Variants in KIDINS220 observed in about 807,000 individuals in gnomAD.
KIDINS220 encodes the protein kinase D interacting substrate 220.
A neutral mutation model predicts 157.6 loss-of-function variants in KIDINS220; 63 were observed. The observed-to-expected ratio is 0.40, with a 90% confidence interval of 0.33 to 0.49. The LOEUF (loss-of-function observed/expected upper bound fraction) is 0.49, where lower values mean the gene tolerates loss of function less well. Among genes scored for constraint, KIDINS220 ranks in the 20% least tolerant of loss-of-function variants. The pLI, the probability that KIDINS220 is intolerant of heterozygous loss-of-function variation, is 0.66. For synonymous variants in KIDINS220, 732 were observed against 783.6 expected, an observed-to-expected ratio of 0.93 and a Z score of 1.10; for missense variants, 1,772 against 2,171.2, an observed-to-expected ratio of 0.82 and a Z score of 3.65.
chr2:8,721,291 T>C (rs550872357), downstream of KIDINS220: 2 of 152,276 alleles, frequency 1.3e-5, no homozygotes, highest in African/African-American at 4.8e-5. Context: ...GTATCAAAGC[T>C]AGATGACAAT....
chr2:8,837,351 C>G (rs1200473089), intron 1 of KIDINS220, 129 bp downstream of exon 1: 3 of 152,190 alleles, frequency 2.0e-5, no homozygotes, highest in African/African-American at 7.2e-5. Flanking sequence ...TCCGAGCTCG[C>G]CCCTTCCGCG....
Position 8,770,782 on chromosome 2 carries a change from T to A in KIDINS220, c.2899A>T (p.Ser967Cys). 1 of 1,612,722 alleles carries A rather than the reference T, an allele frequency of 6.2e-7. No individual in the cohort carries two copies. Among genetic ancestry groups the A allele is most frequent in the South Asian group, 1.1e-5 (1 of 90,852 alleles). ...CACTGCTCAGTAAGGTTGATCCAGC[T>A]AGCAAGCCTGTCCCAGTTGAAACTA... Reference protein sequence around the residue: ...QISFNWDRLASWINLTEQWPY... With the variant: ...QISFNWDRLACWINLTEQWPY... The change falls in exon 22 of 30, where the codon AGC (serine) becomes TGC (cysteine). Residue 967 changes from serine (S) to cysteine (C), a missense_variant. Coordinates refer to ENST00000256707, the MANE Select transcript of KIDINS220 (RefSeq NM_020738.4).
chr2:8,748,076 C>A (rs1666831770), intron 24 of KIDINS220, 76 bp from the exon 25 acceptor site: 3 of 791,204 alleles, frequency 3.8e-6, no homozygotes, highest in African/African-American at 1.8e-5. Context: ...TCAAATGAAA[C>A]CAATAAGATA....
chr2:8,732,822 C>T (rs530575335), intron 29 of KIDINS220, among the ~76,000 whole-genome samples: 9 of 152,290 alleles, frequency 5.9e-5, no homozygotes, highest in South Asian at 2.1e-4. Flanking sequence ...CCTCCTCCCC[C>T]GTTGTTCTCC....
intron 1 of KIDINS220, among the ~76,000 whole-genome samples, chr2:8,836,259 C>T (rs1270691985): frequency 6.6e-6 from 1 of 151,808 alleles, no homozygotes; most frequent in African/African-American, 2.4e-5. Context: ...AGTTATGCCT[C>T]CTCCCTTCCA....
At chr2:8,808,091 T>A (rs1675755084) in intron 6 of KIDINS220, among the ~76,000 whole-genome samples, 1 of 150,980 alleles carries the variant, frequency 6.6e-6, no homozygotes, top group African/African-American at 2.4e-5. Context: ...GCCACCACAC[T>A]CCAGCCTGGG....
At chr2:8,736,106 T>C (rs1664822342) in intron 27 of KIDINS220, among the ~76,000 whole-genome samples, 1 of 152,238 alleles carries the variant, frequency 6.6e-6, no homozygotes, top group Admixed American at 6.5e-5. Flanking sequence ...AAATGGTGTC[T>C]ACATATGCTC....
At chr2:8,836,181 C>T (rs1179186686) in intron 1 of KIDINS220, among the ~76,000 whole-genome samples, 1 of 151,718 alleles carries the variant, frequency 6.6e-6, no homozygotes, top group Non-Finnish European at 1.5e-5. Context: ...GCATAGGTGA[C>T]TGAAGAATGG....
At chr2:8,744,297 T>C (rs1445243065) in intron 26 of KIDINS220, among the ~76,000 whole-genome samples, 1 of 137,328 alleles carries the variant, frequency 7.3e-6, no homozygotes, top group Non-Finnish European at 1.6e-5. Context: ...TGTTCCTTAA[T>C]GTGAGAAAAC....
Position 8,730,862 on chromosome 2 carries a change from T to A in KIDINS220, c.5174A>T (p.Gln1725Leu), listed in dbSNP as rs201465267. 5 of 1,614,262 alleles carry A rather than the reference T, an allele frequency of 3.1e-6. No homozygotes were observed. The highest frequency in any genetic ancestry group is 4.2e-6 in the Non-Finnish European group (5 of 1,180,052). The change falls in exon 30 of 30, where the codon CAG becomes CTG. Residue 1725 changes from glutamine (Q) to leucine (L), a missense_variant. Physicochemically the swap from Gln to Leu is moderately radical, Grantham distance 113 (BLOSUM62 -2). Around this residue, in one of 3 missense-constraint regions of KIDINS220, gnomAD observed 793 missense variants for 885.5 expected, o/e 0.90. Transcript: ENST00000256707. ...TGTCATGCTTTTTAGATTCTCATTC[T>A]GAATAGTGGTTGGGTTGGGACTGGA... is the stretch of plus-strand genomic sequence containing the variant. ...PSSSPNPTTI[Q>L]NENLKSMTHK...
At chr2:8,739,425 A>C (rs72786317) in intron 26 of KIDINS220, among the ~76,000 whole-genome samples, 9,487 of 152,250 alleles carry the variant, frequency 0.062, 365 homozygotes, top group Middle Eastern at 0.16. Flanking sequence ...TGCTTCTTTG[A>C]ATAAAGAAGA....
intron 21 of KIDINS220, among the ~76,000 whole-genome samples, chr2:8,775,119 G>A (rs1451701204): frequency 6.6e-6 from 1 of 152,152 alleles, no homozygotes; most frequent in African/African-American, 2.4e-5. Context: ...TTAAGGAACT[G>A]GAAAAGAGTT....
At chr2:8,797,006 T>C in intron 10 of KIDINS220, 137 bp from the exon 11 acceptor site, 1 of 689,616 alleles carries the variant, frequency 1.5e-6, no homozygotes, top group East Asian at 2.6e-5. Flanking sequence ...ACATAAAAGC[T>C]AACAACAAAA....
chr2:8,747,850 T>G (rs1666798437), intron 25 of KIDINS220, 37 bp downstream of exon 25: 1 of 1,308,036 alleles, frequency 7.6e-7, no homozygotes, highest in East Asian at 2.5e-5. Flanking sequence ...ATGTTTATTA[T>G]TAAATTAATA....
chr2:8,781,837 T>A (rs188251604), intron 17 of KIDINS220, among the ~76,000 whole-genome samples: 129 of 152,338 alleles, frequency 8.5e-4, no homozygotes, highest in South Asian at 2.1e-3. Flanking sequence ...AAATCAGTAA[T>A]CTGGCTGGGT....
chr2:8,833,484 T>TTTC (rs1679952539), intron 1 of KIDINS220, among the ~76,000 whole-genome samples: 2 of 150,596 alleles, frequency 1.3e-5, no homozygotes, highest in African/African-American at 4.9e-5. Flanking sequence ...TTTGTCTTTT[T>TTTC]TTTTTTTTTT....
intron 27 of KIDINS220, among the ~76,000 whole-genome samples, chr2:8,735,309 A>G (rs1572420428): frequency 6.6e-6 from 1 of 152,222 alleles, no homozygotes; most frequent in Admixed American, 6.5e-5. Flanking sequence ...AGGTGGGTGG[A>G]TCACCTAAAG....
intron 10 of KIDINS220, among the ~76,000 whole-genome samples, chr2:8,797,436 T>A (rs561761111): frequency 6.6e-6 from 1 of 152,272 alleles, no homozygotes; most frequent in East Asian, 1.9e-4. Context: ...CCACAGGTAG[T>A]CACCCTGGCT....
chr2:8,830,678 CAA>C (rs1335635249), intron 1 of KIDINS220, among the ~76,000 whole-genome samples: 1 of 152,142 alleles, frequency 6.6e-6, no homozygotes, highest in African/African-American at 2.4e-5. Context: ...CTCTGCCTCC[CAA>C]AGTGTTGGGA....
Sources: gnomAD v4.1 joint callset for allele counts (sites outside exome capture counted in the v4.1 genomes callset) on GRCh38, gnomAD v4.1.1 for gene constraint, gnomAD v4.1.1 regional missense constraint, MANE v1.5 for transcripts, NCBI Gene and HGNC (gene_info 2026-07-23, HGNC 2026-07-21) for gene names.